NRXN1: variants seen among roughly 807,000 people sequenced by gnomAD.
NRXN1 encodes the protein neurexin-1.
A neutral mutation model predicts 150.9 loss-of-function variants in NRXN1; 39 were observed. The ratio of observed to expected loss-of-function variants is 0.26; its 90% CI spans 0.20 to 0.34. The LOEUF (loss-of-function observed/expected upper bound fraction) is 0.34. Ranked by LOEUF, NRXN1 falls within the 10% of genes least tolerant of loss-of-function variation. The probability of loss-of-function intolerance (pLI) is 1.00; values close to 1 mark genes in which losing one functional copy is unlikely to be tolerated. For missense variants in NRXN1, 1,815 were observed against 1,949.9 expected, an observed-to-expected ratio of 0.93 and a Z score of 1.30; for synonymous variants, 924 against 757.0, an observed-to-expected ratio of 1.22 and a Z score of -3.62.
intron 8 of NRXN1, among the ~76,000 whole-genome samples, chr2:50,557,370 T>C (rs1668407746): frequency 6.6e-6 from 1 of 152,140 alleles, no homozygotes; most frequent in African/African-American, 2.4e-5. Context: ...AAAGTTAGTG[T>C]TGTTTAGATA....
chr2:50,172,220 A>T (rs778907102), intron 18 of NRXN1, among the ~76,000 whole-genome samples: 41 of 152,254 alleles, frequency 2.7e-4, no homozygotes, highest in South Asian at 2.3e-3. Flanking sequence ...ATGCTTGACT[A>T]ATTTGTAAAT....
intron 1 of NRXN1, among the ~76,000 whole-genome samples, chr2:51,031,453 A>C (rs1426933276): frequency 6.6e-6 from 1 of 152,100 alleles, no homozygotes; most frequent in African/African-American, 2.4e-5. Context: ...ATATATATAT[A>C]TCTTCATAAA....
intron 17 of NRXN1, chr2:50,312,726 T>A: frequency 1.9e-6 from 1 of 516,374 alleles, no homozygotes; most frequent in Non-Finnish European, 3.9e-6. Flanking sequence ...TCTATCAGAT[T>A]TGTGTCATAG....
At chr2:50,380,077 A>G (rs770379075) in intron 17 of NRXN1, among the ~76,000 whole-genome samples, 3 of 152,116 alleles carry the variant, frequency 2.0e-5, no homozygotes, top group Non-Finnish European at 4.4e-5. Flanking sequence ...TGGCTGATGA[A>G]ATGTCTCTAA....
intron 8 of NRXN1, among the ~76,000 whole-genome samples, chr2:50,583,513 A>C (rs1223410979): frequency 6.6e-6 from 1 of 152,162 alleles, no homozygotes; most frequent in East Asian, 1.9e-4. Context: ...CAGTTTCCAC[A>C]AGGAATGTTA....
intron 17 of NRXN1, among the ~76,000 whole-genome samples, chr2:50,323,314 G>A (rs1226928469): frequency 1.3e-5 from 2 of 152,094 alleles, no homozygotes; most frequent in African/African-American, 2.4e-5. Context: ...TTGCATTTCT[G>A]TACAATCCTA....
intron 2 of NRXN1, among the ~76,000 whole-genome samples, chr2:51,024,629 G>C (rs762674624): frequency 6.6e-6 from 1 of 152,066 alleles, no homozygotes; most frequent in Non-Finnish European, 1.5e-5. Context: ...GAAATTCATA[G>C]GTGCATAAGT....
chr2:50,314,426 A>G (rs2075425142), intron 17 of NRXN1, among the ~76,000 whole-genome samples: 1 of 152,052 alleles, frequency 6.6e-6, no homozygotes, highest in Admixed American at 6.6e-5. Context: ...TCCTCAGCTC[A>G]AATCAGAAGC....
chr2:50,232,198 A>T (rs2065003704), intron 18 of NRXN1, among the ~76,000 whole-genome samples: 1 of 151,992 alleles, frequency 6.6e-6, no homozygotes, highest in Non-Finnish European at 1.5e-5. Flanking sequence ...TTGTTCATTC[A>T]TTCATCCAAC....
At chr2:50,119,638 TA>T (rs1703582283) in intron 18 of NRXN1, among the ~76,000 whole-genome samples, 1 of 151,894 alleles carries the variant, frequency 6.6e-6, no homozygotes, top group Non-Finnish European at 1.5e-5. Context: ...AAAAATATAC[TA>T]AAAAAGTGTA....
At chr2:50,908,007 A>G (rs1009650077) in intron 5 of NRXN1, among the ~76,000 whole-genome samples, 12 of 152,116 alleles carry the variant, frequency 7.9e-5, no homozygotes, top group Admixed American at 7.2e-4. Context: ...TCTGTAAATA[A>G]CTTATATTAC....
In NRXN1 at chr2:50,347,123, C is replaced by A; in HGVS notation, c.3365-110153G>T. 2 of 1,386,324 alleles carry A rather than the reference C, an allele frequency of 1.4e-6. No homozygotes were observed. The highest frequency in any genetic ancestry group is 9.5e-7 in the Non-Finnish European group (1 of 1,052,816). The allele number at this position is 1,386,324 out of a possible 1,614,324, so 85.9% of individuals were successfully genotyped here. A position where few individuals can be genotyped will look rare whatever the true frequency, so the allele number is the denominator to read the frequency against. On this transcript the variant is annotated intron_variant, in intron 17 of 22. Coordinates refer to ENST00000401669, the MANE Select transcript of NRXN1 (RefSeq NM_001330078.2). The surrounding 1 kb of genome is among the most constrained non-coding windows in gnomAD (Gnocchi z 4.9). ...GACAGTCTTCTCGGGGTCCTGGAGT[C>A]CGCCGTGCCTAGCACCCCAAACAAT...
At chr2:50,720,373 G>A (rs1007449798) in intron 5 of NRXN1, among the ~76,000 whole-genome samples, 15 of 151,896 alleles carry the variant, frequency 9.9e-5, no homozygotes, top group East Asian at 1.9e-4. Flanking sequence ...AACAAAGGTC[G>A]CGCTGCATCT....
chr2:50,889,539 T>C (rs1680747776), intron 5 of NRXN1, among the ~76,000 whole-genome samples: 1 of 151,724 alleles, frequency 6.6e-6, no homozygotes, highest in South Asian at 2.1e-4. Context: ...TAACCTCAAA[T>C]TCAAAATAAG....
chr2:50,488,678 T>A (rs1474257999), intron 15 of NRXN1, among the ~76,000 whole-genome samples: 1 of 152,228 alleles, frequency 6.6e-6, no homozygotes, highest in Non-Finnish European at 1.5e-5. Context: ...TCAGTCTGAA[T>A]GGTTTTATGC....
chr2:50,506,796 C>T lies in NRXN1; in HGVS notation c.2375-179G>A, dbSNP rs1042366068. 71 of 615,098 alleles carry T rather than the reference C, an allele frequency of 1.2e-4. 1 individual carries two copies. The highest frequency in any genetic ancestry group is 1.7e-4 in the Non-Finnish European group (63 of 364,290). The allele number at this position is 615,098 out of a possible 1,614,324, so 38.1% of individuals were successfully genotyped here. ...GAAACAGAGAAGAGGCGGGCTGGAC[C>T]AATTTTCAAGCCCATTAGAGTCATA... On this transcript the variant is annotated intron_variant, in intron 12 of 22. Transcript: ENST00000401669.
chr2:50,677,089 G>T (rs2104769021), intron 5 of NRXN1, among the ~76,000 whole-genome samples: 1 of 152,226 alleles, frequency 6.6e-6, no homozygotes, highest in Admixed American at 6.5e-5. Flanking sequence ...AAGCCACAAA[G>T]GGGCATGACA....
intron 2 of NRXN1, among the ~76,000 whole-genome samples, chr2:51,023,473 T>C (rs1397934019): frequency 6.6e-6 from 1 of 152,198 alleles, no homozygotes; most frequent in Non-Finnish European, 1.5e-5. Context: ...ACCTGATTAA[T>C]ACTTTTCCTC....
chr2:50,169,454 C>T (rs1290140440), intron 18 of NRXN1, among the ~76,000 whole-genome samples: 3 of 152,012 alleles, frequency 2.0e-5, no homozygotes, highest in African/African-American at 7.2e-5. Flanking sequence ...GTGGCTCATG[C>T]TAGTAATCCC....
Sources: gnomAD v4.1 joint callset for allele counts (sites outside exome capture counted in the v4.1 genomes callset) on GRCh38, gnomAD v4.1.1 for gene constraint, Gnocchi (gnomAD v3.1) non-coding constraint, MANE v1.5 for transcripts, NCBI Gene and HGNC (gene_info 2026-07-23, HGNC 2026-07-21) for gene names.